The following DSCAML1 variants were observed in gnomAD, a reference collection of about 807,000 sequenced individuals.
The protein encoded by DSCAML1 is cell adhesion molecule DSCAML1.
DSCAML1 carries 38 observed loss-of-function variants against 200.5 expected under a neutral mutation model. That is an observed-to-expected ratio of 0.19 (90% confidence interval 0.15 to 0.25). The LOEUF is 0.25. Among genes scored for constraint, DSCAML1 ranks in the 10% least tolerant of loss-of-function variants. DSCAML1 has a pLI of 1.00. For missense variants in DSCAML1, 2,223 were observed against 2,858.8 expected, an observed-to-expected ratio of 0.78 and a Z score of 5.07; for synonymous variants, 1,215 against 1,165.0, an observed-to-expected ratio of 1.04 and a Z score of -0.87.
intron 1 of DSCAML1, among the ~76,000 whole-genome samples, chr11:117,805,268 T>A (rs1454862802): frequency 6.6e-6 from 1 of 152,180 alleles, no homozygotes; most frequent in Non-Finnish European, 1.5e-5. Context: ...TCATCTAAGG[T>A]CCTAGCCCAG....
intron 1 of DSCAML1, among the ~76,000 whole-genome samples, chr11:117,812,717 A>T (rs1171676980): frequency 1.3e-5 from 2 of 148,806 alleles, no homozygotes; most frequent in African/African-American, 4.9e-5. Flanking sequence ...TTCTCGTAAA[A>T]ACACACGTGC....
chr11:117,728,595 C>T (rs1397027372), intron 3 of DSCAML1, among the ~76,000 whole-genome samples: 1 of 150,730 alleles, frequency 6.6e-6, no homozygotes, highest in African/African-American at 2.5e-5. Context: ...AGCAAGGTTT[C>T]AGAATACAAT....
chr11:117,778,049 C>T (rs2055163359), intron 2 of DSCAML1, among the ~76,000 whole-genome samples: 2 of 152,242 alleles, frequency 1.3e-5, no homozygotes, highest in African/African-American at 4.8e-5. Flanking sequence ...TCCCCACCCC[C>T]TGACTGTGCA....
In DSCAML1 at chr11:117,504,022, C is replaced by CT; in HGVS notation, c.2183-2dup. 1 of 1,613,546 alleles carries CT rather than the reference C, an allele frequency of 6.2e-7. No homozygotes were observed. Among genetic ancestry groups the CT allele is most frequent in the Non-Finnish European group, 8.5e-7 (1 of 1,179,778 alleles). ...TGGTACTGCTGGGGGTTCCCGCTCC[C>CT]TGGAAGGAGGCAGCTGTTAGGAGGG... On this transcript the variant is annotated splice_acceptor_variant, in intron 10 of 32. Transcript: ENST00000651296. LOFTEE classifies it high-confidence loss of function. This position sits in a 1 kb window ranked among gnomAD's most constrained non-coding sequence, Gnocchi z 5.0.
chr11:117,433,793 A>T (rs999372393), intron 27 of DSCAML1, among the ~76,000 whole-genome samples: 1 of 152,252 alleles, frequency 6.6e-6, no homozygotes, highest in Non-Finnish European at 1.5e-5. Flanking sequence ...ACACAACACC[A>T]TAACAGGCTG....
At chr11:117,720,061 C>T (rs941168734) in intron 3 of DSCAML1, among the ~76,000 whole-genome samples, 9 of 152,118 alleles carry the variant, frequency 5.9e-5, no homozygotes, top group African/African-American at 9.7e-5. Context: ...TAGTCCCTCC[C>T]GGCCCAGGCA....
At chr11:117,810,950 T>C (rs933067168) in intron 1 of DSCAML1, among the ~76,000 whole-genome samples, 1 of 152,092 alleles carries the variant, frequency 6.6e-6, no homozygotes, top group Admixed American at 6.6e-5. Flanking sequence ...TACAGACCCA[T>C]CTGACCTCTC....
At chr11:117,452,360 A>G (rs4938380) in intron 19 of DSCAML1, among the ~76,000 whole-genome samples, 63,100 of 152,074 alleles carry the variant, frequency 0.41, 14,087 homozygotes, top group Non-Finnish European at 0.5. Flanking sequence ...ATCAGAACAA[A>G]GGGTTCCTCT....
intron 1 of DSCAML1, among the ~76,000 whole-genome samples, chr11:117,809,944 TACAC>T (rs60555777): frequency 9.0e-5 from 13 of 144,630 alleles, no homozygotes; most frequent in African/African-American, 2.9e-4. Flanking sequence ...CATATTCACA[TACAC>T]ACATTCACAC....
intron 3 of DSCAML1, among the ~76,000 whole-genome samples, chr11:117,702,503 A>T (rs759689554): frequency 6.6e-6 from 1 of 151,942 alleles, no homozygotes; most frequent in Non-Finnish European, 1.5e-5. Context: ...ACCCTCCTTG[A>T]TGAGTCCAGT....
intron 11 of DSCAML1, among the ~76,000 whole-genome samples, chr11:117,501,092 T>C (rs2049384733): frequency 6.6e-6 from 1 of 152,052 alleles, no homozygotes; most frequent in Admixed American, 6.6e-5. Context: ...AGGGCATGGG[T>C]AACCAGGTCC....
At chr11:117,485,688 A>G (rs1005331230) in intron 11 of DSCAML1, among the ~76,000 whole-genome samples, 1 of 152,242 alleles carries the variant, frequency 6.6e-6, no homozygotes, top group Non-Finnish European at 1.5e-5. Context: ...TCTTTTTTAT[A>G]GAAACGTGTG....
chr11:117,744,575 C>A (rs1181945765), intron 3 of DSCAML1, among the ~76,000 whole-genome samples: 1 of 152,252 alleles, frequency 6.6e-6, no homozygotes, highest in Admixed American at 6.5e-5. Context: ...TCCTCTGCGT[C>A]CTGCCAGGTC....
intron 20 of DSCAML1, among the ~76,000 whole-genome samples, chr11:117,445,840 T>C (rs958817533): frequency 3.3e-5 from 5 of 152,186 alleles, no homozygotes; most frequent in African/African-American, 9.7e-5. Context: ...GCTTTCCTTT[T>C]AACCTGGACA....
chr11:117,464,169 C>A (rs11216404), intron 17 of DSCAML1, among the ~76,000 whole-genome samples: 20,732 of 152,094 alleles, frequency 0.14, 1,624 homozygotes, highest in Admixed American at 0.2. Flanking sequence ...GGGGCTTTGG[C>A]CTCAGACCCT....
At chr11:117,725,196 G>A (rs2054103601) in intron 3 of DSCAML1, among the ~76,000 whole-genome samples, 1 of 152,272 alleles carries the variant, frequency 6.6e-6, no homozygotes, top group South Asian at 2.1e-4. Context: ...GCCGGTCTCC[G>A]TGGACGGGAG....
intron 3 of DSCAML1, among the ~76,000 whole-genome samples, chr11:117,709,222 C>G (rs2053802378): frequency 1.3e-5 from 2 of 152,188 alleles, no homozygotes; most frequent in Non-Finnish European, 2.9e-5. Flanking sequence ...GACAAAATAC[C>G]ACAGGCTTGG....
intron 3 of DSCAML1, among the ~76,000 whole-genome samples, chr11:117,747,349 T>C (rs769701968): frequency 6.6e-6 from 1 of 152,220 alleles, no homozygotes; most frequent in Admixed American, 6.5e-5. Flanking sequence ...TATATTGATG[T>C]AGTCCTGGGC....
At chr11:117,735,400 C>G (rs964480398) in intron 3 of DSCAML1, among the ~76,000 whole-genome samples, 1 of 152,038 alleles carries the variant, frequency 6.6e-6, no homozygotes, top group Non-Finnish European at 1.5e-5. Context: ...AAAACTAAAG[C>G]GTGGAGAAGA....
Sources: gnomAD v4.1 joint callset for allele counts (sites outside exome capture counted in the v4.1 genomes callset) on GRCh38, gnomAD v4.1.1 for gene constraint, Gnocchi (gnomAD v3.1) non-coding constraint, MANE v1.5 for transcripts, NCBI Gene and HGNC (gene_info 2026-07-23, HGNC 2026-07-21) for gene names.